Variants in PARD3B observed in about 807,000 individuals in gnomAD.
The protein encoded by PARD3B is par-3 family cell polarity regulator beta.
In PARD3B, 103 loss-of-function variants were observed where a neutral mutation model predicts 130.2. The ratio of observed to expected loss-of-function variants is 0.79; its 90% CI spans 0.67 to 0.93. The LOEUF is 0.93. PARD3B is among the 40% of genes least tolerant of loss of function. The pLI, the probability that PARD3B is intolerant of heterozygous loss-of-function variation, is 0.00. For missense variants in PARD3B, 1,609 were observed against 1,499.2 expected (o/e 1.07, Z -1.21); for synonymous variants, 583 against 553.2 (o/e 1.05, Z -0.76).
At chr2:205,368,860 C>CAA (rs76938901) in intron 18 of PARD3B, among the ~76,000 whole-genome samples, 3 of 147,008 alleles carry the variant, frequency 2.0e-5, no homozygotes, top group East Asian at 2.0e-4. Context: ...CTTGGGAAAA[C>CAA]AAAAAAAAAA....
In PARD3B at chr2:205,568,145, G is replaced by A. The variant is rs570628292; in HGVS notation, c.3260+14742G>A. 3.8e-4 allele frequency among the ~76,000 whole-genome samples: 58 copies of A among 152,302 alleles called. No homozygotes were observed. Among genetic ancestry groups the A allele is most frequent in the African/African-American group, 1.3e-3 (52 of 41,562 alleles). ...AGAAGTGCTGCAGTGATGGGGGTGT[G>A]GGGGCAGTCTGCTGCCACAACTAAG... On this transcript the variant is annotated intron_variant, in intron 22 of 22. Transcript: ENST00000406610. The surrounding 1 kb of genome is among the most constrained non-coding windows in gnomAD (Gnocchi z 5.3).
At chr2:205,499,612 G>T (rs543167636) in intron 20 of PARD3B, among the ~76,000 whole-genome samples, 2 of 152,050 alleles carry the variant, frequency 1.3e-5, no homozygotes, top group South Asian at 4.2e-4. Flanking sequence ...AAAAGTGGTG[G>T]GCCTTTTAAT....
chr2:205,326,151 T>C (rs1422196929), intron 18 of PARD3B, among the ~76,000 whole-genome samples: 12 of 152,232 alleles, frequency 7.9e-5, no homozygotes, highest in Admixed American at 7.8e-4. Flanking sequence ...TGATTTGGCC[T>C]TTATTATACC....
At chr2:204,782,348 G>T (rs1411010105) in intron 2 of PARD3B, among the ~76,000 whole-genome samples, 1 of 149,026 alleles carries the variant, frequency 6.7e-6, no homozygotes, top group Non-Finnish European at 1.5e-5. Flanking sequence ...TGTATGTGTT[G>T]TATATGTTAT....
chr2:205,523,243 TTATATATATATATA>T (rs1210115446), intron 21 of PARD3B, among the ~76,000 whole-genome samples: 1 of 144,322 alleles, frequency 6.9e-6, no homozygotes, highest in African/African-American at 2.6e-5. Flanking sequence ...ATATATATAT[TTATATATATATATA>T]TTTTTGAGAT....
intron 18 of PARD3B, among the ~76,000 whole-genome samples, chr2:205,336,099 G>A (rs1040114214): frequency 2.0e-5 from 3 of 152,050 alleles, no homozygotes; most frequent in African/African-American, 7.2e-5. Flanking sequence ...AGCGATCTAC[G>A]CACCTCGGCC....
At chr2:205,535,596 T>G (rs1264721741) in intron 21 of PARD3B, among the ~76,000 whole-genome samples, 2 of 152,240 alleles carry the variant, frequency 1.3e-5, no homozygotes, top group Non-Finnish European at 2.9e-5. Context: ...GTAATGGGTC[T>G]CTTTAAATCA....
At chr2:205,311,910 G>T (rs1212478449) in intron 18 of PARD3B, among the ~76,000 whole-genome samples, 1 of 152,168 alleles carries the variant, frequency 6.6e-6, no homozygotes, top group Non-Finnish European at 1.5e-5. Context: ...AGAGTGTGTA[G>T]GTGGGTTTGG....
At chr2:204,847,241 GCTATAA>G (rs1189825861) in intron 2 of PARD3B, among the ~76,000 whole-genome samples, 2 of 137,156 alleles carry the variant, frequency 1.5e-5, no homozygotes, top group Non-Finnish European at 3.1e-5. Flanking sequence ...GTCCTCTATT[GCTATAA>G]CTATAGAACA....
chr2:204,928,395 T>C (rs912301205), intron 2 of PARD3B, among the ~76,000 whole-genome samples: 2 of 152,154 alleles, frequency 1.3e-5, no homozygotes, highest in Non-Finnish European at 2.9e-5. Context: ...AAATACACTC[T>C]GCTTTTGATG....
At chr2:204,884,834 G>T (rs2046213797) in intron 2 of PARD3B, among the ~76,000 whole-genome samples, 1 of 152,178 alleles carries the variant, frequency 6.6e-6, no homozygotes, top group South Asian at 2.1e-4. Flanking sequence ...TGGCTGCATA[G>T]TATTCCATGG....
At chr2:205,045,540 G>A (rs188394387) in intron 3 of PARD3B, among the ~76,000 whole-genome samples, 59 of 152,066 alleles carry the variant, frequency 3.9e-4, no homozygotes, top group East Asian at 3.5e-3. Flanking sequence ...GAGCCACTGC[G>A]TCTGGCATGA....
At chr2:204,883,690 C>G (rs1370996246) in intron 2 of PARD3B, among the ~76,000 whole-genome samples, 2 of 151,538 alleles carry the variant, frequency 1.3e-5, no homozygotes, top group African/African-American at 4.9e-5. Flanking sequence ...GTGATCCGCC[C>G]ACCTTGGCCT....
rs567876946 is a variant in PARD3B at position 205,446,574 on chromosome 2, G to A, written c.3044+5902G>A. ...TCCATAGTAGCTTTCTAATAGAGGC[G>A]ACTTCGGTCTCATACCTACTTGCTT... On this transcript the variant is annotated intron_variant, in intron 20 of 22. Transcript: ENST00000406610. This position sits in a 1 kb window ranked among gnomAD's most constrained non-coding sequence, Gnocchi z 4.4. Among the ~76,000 whole-genome samples the A allele has an allele frequency of 5.3e-5, 8 of 151,824 alleles. No individual in the cohort carries two copies. The highest frequency in any genetic ancestry group is 1.7e-4 in the African/African-American group (7 of 41,310).
chr2:204,720,305 A>T (rs914573910), intron 2 of PARD3B, among the ~76,000 whole-genome samples: 1 of 152,182 alleles, frequency 6.6e-6, no homozygotes, highest in Non-Finnish European at 1.5e-5. Context: ...TTGCCAGTCC[A>T]TGATGTAGCT....
intron 2 of PARD3B, among the ~76,000 whole-genome samples, chr2:204,738,834 T>C (rs912661494): frequency 2.6e-5 from 4 of 152,218 alleles, no homozygotes; most frequent in African/African-American, 9.6e-5. Flanking sequence ...TCTGCTAACA[T>C]CAGGAGAAAA....
Position 205,021,573 on chromosome 2 carries a change from C to CTCTCTTCTCTCTCTCT in PARD3B, c.395-25991_395-25976dup, listed in dbSNP as rs1241544389. On this transcript the variant is annotated intron_variant, in intron 3 of 22. Transcript: ENST00000406610. This position sits in a 1 kb window ranked among gnomAD's most constrained non-coding sequence, Gnocchi z 4.5. ...ATAGCATTTATTGAGCAACTATATG[C>CTCTCTTCTCTCTCTCT]TCTCTTCTCTCTCTCTTCTCTTCTC... is the stretch of plus-strand genomic sequence containing the variant. 6.6e-6 allele frequency among the ~76,000 whole-genome samples: 1 copy of CTCTCTTCTCTCTCTCT among 151,294 alleles called. No individual in the cohort carries two copies. Among genetic ancestry groups the CTCTCTTCTCTCTCTCT allele is most frequent in the Non-Finnish European group, 1.5e-5 (1 of 67,876 alleles).
rs1223870394 is a variant in PARD3B at position 204,907,318 on chromosome 2, C to G, written c.223-57834C>G. On this transcript the variant is annotated intron_variant, in intron 2 of 22. Coordinates refer to ENST00000406610, the MANE Select transcript of PARD3B (RefSeq NM_001302769.2). The surrounding 1 kb of genome is among the most constrained non-coding windows in gnomAD (Gnocchi z 5.7). ...TGGAGGACAATGACTAGGGCTGTGACAGATGATGTGAATCCATAGGGCCAT... is the reference window on the plus strand; with the variant it reads ...TGGAGGACAATGACTAGGGCTGTGAGAGATGATGTGAATCCATAGGGCCAT... Among the ~76,000 whole-genome samples the G allele has an allele frequency of 1.3e-5, 2 of 152,276 alleles. No individual in the cohort carries two copies. Among genetic ancestry groups the G allele is most frequent in the Non-Finnish European group, 2.9e-5 (2 of 68,014 alleles).
At chr2:205,106,209 G>A (rs11895950) in intron 5 of PARD3B, among the ~76,000 whole-genome samples, 27,584 of 151,886 alleles carry the variant, frequency 0.18, 2,699 homozygotes, top group Middle Eastern at 0.27. Context: ...GTGCAATGGC[G>A]TGATCTCGGC....
Sources: allele counts gnomAD v4.1 joint callset (sites outside exome capture counted in the v4.1 genomes callset), GRCh38; gene constraint gnomAD v4.1.1; non-coding constraint Gnocchi (gnomAD v3.1); transcripts MANE v1.5; gene names NCBI Gene and HGNC (gene_info 2026-07-23, HGNC 2026-07-21).